Variants in MTFR1 observed in about 807,000 individuals in gnomAD.
MTFR1 encodes the protein chondrocyte protein with a poly-proline region.
MTFR1 carries 28 observed loss-of-function variants against 38.8 expected under a neutral mutation model. That is an observed-to-expected ratio of 0.72 (90% CI 0.53 to 0.99). The LOEUF (loss-of-function observed/expected upper bound fraction) is 0.99. MTFR1 is among the 50% of genes least tolerant of loss of function. The probability of loss-of-function intolerance (pLI) is 0.00; values close to 1 mark genes in which losing one functional copy is unlikely to be tolerated. For missense variants in MTFR1, 358 were observed against 395.5 expected, an observed-to-expected ratio of 0.91 and a Z score of 0.81; for synonymous variants, 145 against 137.0, an observed-to-expected ratio of 1.06 and a Z score of -0.41.
intron 2 of MTFR1, among the ~76,000 whole-genome samples, chr8:65,676,862 T>C (rs1215458084): frequency 2.0e-5 from 3 of 152,072 alleles, no homozygotes; most frequent in Non-Finnish European, 4.4e-5. Flanking sequence ...CATTTCACAA[T>C]GTTAAAAAAG....
At chr8:65,645,196 C>T (rs377662552) in intron 1 of MTFR1, among the ~76,000 whole-genome samples, 423 of 152,326 alleles carry the variant, frequency 2.8e-3, no homozygotes, top group Non-Finnish European at 4.9e-3. Flanking sequence ...GGGTGCTGCG[C>T]CCTTAACGGG....
intron 6 of MTFR1, 131 bp from the exon 7 acceptor site, chr8:65,707,712 G>A: frequency 1.7e-6 from 2 of 1,149,610 alleles, no homozygotes; most frequent in Non-Finnish European, 2.4e-6. Context: ...AATGCTAGCA[G>A]TATTTATCAG....
intron 3 of MTFR1, chr8:65,765,714 A>T (rs1037744593): frequency 6.6e-6 from 1 of 152,136 alleles, no homozygotes; most frequent in Non-Finnish European, 1.5e-5. Flanking sequence ...GCTTTGGCAA[A>T]TTCCATGAAA....
chr8:65,733,297 G>A (rs1398784021), intron 3 of MTFR1, among the ~76,000 whole-genome samples: 1 of 152,168 alleles, frequency 6.6e-6, no homozygotes, highest in Non-Finnish European at 1.5e-5. Context: ...GAGGGAGATG[G>A]GAGTGCAGAA....
chr8:65,656,891 C>T (rs1401202559), intron 1 of MTFR1, among the ~76,000 whole-genome samples: 1 of 152,146 alleles, frequency 6.6e-6, no homozygotes, highest in Non-Finnish European at 1.5e-5. Context: ...AGTGATTCTC[C>T]TGCCTCAGCT....
intron 3 of MTFR1, among the ~76,000 whole-genome samples, chr8:65,743,909 T>C (rs1807552662): frequency 6.6e-6 from 1 of 151,956 alleles, no homozygotes; most frequent in Admixed American, 6.6e-5. Context: ...CTCAGCTCAC[T>C]GCAACCTTTG....
chr8:65,760,645 C>T (rs1808442409), intron 3 of MTFR1, among the ~76,000 whole-genome samples: 1 of 152,166 alleles, frequency 6.6e-6, no homozygotes, highest in Admixed American at 6.5e-5. Flanking sequence ...GATGAGATCA[C>T]TTTAAGACTG....
chr8:65,777,007 T>C, the MTFR1 span, among the ~76,000 whole-genome samples: 1 of 151,314 alleles, frequency 6.6e-6, no homozygotes, highest in Non-Finnish European at 1.5e-5. Context: ...TTTCAGACTG[T>C]TTAAGTTTTT....
chr8:65,714,386 G>C (rs2048648), downstream of MTFR1: 132,733 of 151,972 alleles, frequency 0.87, 58,383 homozygotes, highest in African/African-American at 0.96. Context: ...CAGCCCTATG[G>C]TGAGCACAGG....
intron 3 of MTFR1, among the ~76,000 whole-genome samples, chr8:65,749,076 C>G (rs1372408114): frequency 6.6e-6 from 1 of 152,194 alleles, no homozygotes; most frequent in Non-Finnish European, 1.5e-5. Context: ...CTGGGAAGCA[C>G]ATTCAGTACA....
intron 3 of MTFR1, among the ~76,000 whole-genome samples, chr8:65,684,540 C>G (rs1805011707): frequency 6.6e-6 from 1 of 151,840 alleles, no homozygotes; most frequent in Non-Finnish European, 1.5e-5. Flanking sequence ...CATGTGCCAC[C>G]AAGCCTGGCT....
At chr8:65,657,548 T>G (rs909115370) in intron 1 of MTFR1, among the ~76,000 whole-genome samples, 1 of 151,644 alleles carries the variant, frequency 6.6e-6, no homozygotes, top group Non-Finnish European at 1.5e-5. Context: ...AAAAAAAATT[T>G]AAAAAAATAG....
rs1320273507 is a variant in MTFR1, at chr8:65,645,692, T to C, written c.-81+908T>C. Among the ~76,000 whole-genome samples, 41 of 83,172 alleles carry C rather than the reference T, an allele frequency of 4.9e-4. 2 individuals are homozygous for C. Among genetic ancestry groups the C allele is most frequent in the Middle Eastern group, 6.8e-3 (1 of 148 alleles). 54.6% of individuals were successfully genotyped at this position (83,172 alleles called of 152,430 possible). On this transcript the variant is annotated intron_variant, in intron 1 of 7. Coordinates refer to ENST00000262146, the MANE Select transcript of MTFR1 (RefSeq NM_014637.4). ...AGGCAGGCGCCATCACGCCCGGCTT[T>C]CCCCCCCCCCCCCCTTTGTAGAGAT...
downstream of MTFR1, among the ~76,000 whole-genome samples, chr8:65,775,658 C>G (rs533312700): frequency 6.6e-6 from 1 of 152,210 alleles, no homozygotes; most frequent in African/African-American, 2.4e-5. Flanking sequence ...GACGAAGTCT[C>G]GCTCTGTAGC....
intron 2 of MTFR1, chr8:65,718,953 ACAATT>A (rs1251151816): frequency 9.3e-5 from 30 of 322,976 alleles, no homozygotes; most frequent in Non-Finnish European, 1.5e-4. Flanking sequence ...TTGTTGCTGA[ACAATT>A]CAAGTTTCAC....
At chr8:65,660,081 G>A (rs1363388729) in intron 1 of MTFR1, among the ~76,000 whole-genome samples, 2 of 152,044 alleles carry the variant, frequency 1.3e-5, no homozygotes, top group Non-Finnish European at 2.9e-5. Flanking sequence ...CCTGAGGTCG[G>A]GAATTCAAGA....
chr8:65,759,109 G>A (rs546512990), intron 3 of MTFR1, among the ~76,000 whole-genome samples: 3 of 152,334 alleles, frequency 2.0e-5, no homozygotes, highest in South Asian at 4.2e-4. Context: ...ATACTTGCTT[G>A]CATTTTACGT....
At chr8:65,732,576 G>A (rs972926032) in intron 3 of MTFR1, among the ~76,000 whole-genome samples, 3 of 152,086 alleles carry the variant, frequency 2.0e-5, no homozygotes, top group African/African-American at 4.8e-5. Context: ...GCAGTGCAGT[G>A]GCACTATCAC....
At chr8:65,699,892 A>G (rs1805559937) in intron 4 of MTFR1, among the ~76,000 whole-genome samples, 1 of 152,210 alleles carries the variant, frequency 6.6e-6, no homozygotes, top group African/African-American at 2.4e-5. Flanking sequence ...GCTCTTCAAT[A>G]TATTTCTTCC....
Sources: allele counts gnomAD v4.1 joint callset (sites outside exome capture counted in the v4.1 genomes callset), GRCh38; gene constraint gnomAD v4.1.1; transcripts MANE v1.5; gene names NCBI Gene and HGNC (gene_info 2026-07-23, HGNC 2026-07-21).